FAF2: variants seen among roughly 807,000 people sequenced by gnomAD.
FAF2 encodes the protein Fas associated factor family member 2.
Under a neutral mutation model 62.3 loss-of-function variants are expected in FAF2, and 9 were observed. The observed-to-expected ratio is 0.14, with a 90% confidence interval of 0.09 to 0.25. The LOEUF (loss-of-function observed/expected upper bound fraction) is 0.25, where lower values mean the gene tolerates loss of function less well. Among genes scored for constraint, FAF2 ranks in the 10% least tolerant of loss-of-function variants. FAF2 has a pLI of 1.00. For missense variants in FAF2, 368 were observed against 556.2 expected (o/e 0.66, Z 3.40); for synonymous variants, 202 against 198.0 (o/e 1.02, Z -0.17).
chr5:176,448,508 G>GCCCC, intron 1 of FAF2, 38 bp downstream of exon 1: 1 of 1,563,238 alleles, frequency 6.4e-7, no homozygotes, highest in Non-Finnish European at 8.7e-7. Context: ...TGCCTCCGTG[G>GCCCC]GATGGGGAGT....
At chr5:176,477,073 G>A (rs1561820985) in intron 1 of FAF2, among the ~76,000 whole-genome samples, 1 of 149,900 alleles carries the variant, frequency 6.7e-6, no homozygotes, top group Non-Finnish European at 1.5e-5. Context: ...CTCCCAAAGT[G>A]CTGAGATTAC....
At chr5:176,495,554 C>T (rs180951448) in intron 7 of FAF2, among the ~76,000 whole-genome samples, 2 of 149,182 alleles carry the variant, frequency 1.3e-5, no homozygotes, top group Middle Eastern at 3.4e-3. Context: ...CTCTGTCACC[C>T]AGGTTGGAGT....
chr5:176,467,118 T>G (rs369730741), intron 1 of FAF2, among the ~76,000 whole-genome samples: 7 of 136,730 alleles, frequency 5.1e-5, no homozygotes, highest in East Asian at 2.2e-4. Context: ...CCAATGGCTG[T>G]TTTTTTTTTC....
chr5:176,486,543 CT>C (rs1400799169), intron 3 of FAF2, 54 bp downstream of exon 3: 1 of 1,572,604 alleles, frequency 6.4e-7, no homozygotes, highest in Non-Finnish European at 8.7e-7. Flanking sequence ...AGTATATCCA[CT>C]TGGTTATATT....
At chr5:176,474,659 C>T (rs1758657716) in intron 1 of FAF2, among the ~76,000 whole-genome samples, 1 of 152,182 alleles carries the variant, frequency 6.6e-6, no homozygotes. Flanking sequence ...AATACTCTTC[C>T]CAGATATTTC....
Position 176,460,510 on chromosome 5 carries a change from C to CCG in FAF2, c.63+12043_63+12044dup, listed in dbSNP as rs771294516. Among the ~76,000 whole-genome samples, 247 of 99,076 alleles carry CCG rather than the reference C, an allele frequency of 2.5e-3. 3 individuals are homozygous for CCG. Among genetic ancestry groups the CCG allele is most frequent in the Middle Eastern group, 0.024 (5 of 208 alleles). 65.0% of individuals were successfully genotyped at this position (99,076 alleles called of 152,430 possible). A position where few individuals can be genotyped will look rare whatever the true frequency, so the allele number is the denominator to read the frequency against. ...GAGCAGTGATGTTGACTATTTTTGGCCGCGTGTGTGTGTGTGTGTGTGTGT... is the reference window on the plus strand; with the variant it reads ...GAGCAGTGATGTTGACTATTTTTGGCCGCGCGTGTGTGTGTGTGTGTGTGTGT... On this transcript the variant is annotated intron_variant, in intron 1 of 10. Coordinates refer to ENST00000261942, the MANE Select transcript of FAF2 (RefSeq NM_014613.3).
At chr5:176,466,154 AGTGT>A (rs756256718) in intron 1 of FAF2, among the ~76,000 whole-genome samples, 25 of 152,310 alleles carry the variant, frequency 1.6e-4, no homozygotes, top group Non-Finnish European at 1.6e-4. Context: ...TAAAGATCTG[AGTGT>A]GTGTAAGAGT....
At chr5:176,506,265 A>G (rs1410209491) in intron 10 of FAF2, among the ~76,000 whole-genome samples, 2 of 152,036 alleles carry the variant, frequency 1.3e-5, no homozygotes, top group Non-Finnish European at 2.9e-5. Context: ...CAAAACTTGA[A>G]TAGGGCCTGA....
intron 1 of FAF2, among the ~76,000 whole-genome samples, 153 bp downstream of exon 1, chr5:176,448,623 C>T (rs1758110550): frequency 2.0e-5 from 3 of 152,046 alleles, no homozygotes; most frequent in East Asian, 1.9e-4. Context: ...CTGATTCCCC[C>T]GGCCCCCAAG....
intron 1 of FAF2, among the ~76,000 whole-genome samples, chr5:176,464,919 G>C (rs1057207912): frequency 2.0e-5 from 3 of 151,998 alleles, no homozygotes; most frequent in African/African-American, 7.2e-5. Flanking sequence ...ACAGAGTCTC[G>C]CTGTATCGCC....
In FAF2 at chr5:176,486,338, TC is replaced by T. The variant is rs556729185; in HGVS notation, c.133-15del. On this transcript the variant is annotated splice_polypyrimidine_tract_variant and intron_variant, in intron 2 of 10. Transcript: ENST00000261942. ...TGAGCATCGCTGAAACTCTTGCCACTCCGTTTTCCTTCTCAGGCTGCTGTAC... is the reference window on the plus strand; with the variant it reads ...TGAGCATCGCTGAAACTCTTGCCACTCGTTTTCCTTCTCAGGCTGCTGTAC... 17 of 1,610,116 alleles carry T rather than the reference TC, an allele frequency of 1.1e-5. No homozygotes were observed. In the East Asian group the frequency reaches 3.8e-4, roughly 36 times the overall value.
chr5:176,501,898 A>G (rs1445085262), intron 10 of FAF2, among the ~76,000 whole-genome samples: 1 of 152,034 alleles, frequency 6.6e-6, no homozygotes, highest in African/African-American at 2.4e-5. Context: ...AGATTACAGG[A>G]AGCCGCCACC....
chr5:176,477,307 T>A (rs2963686), intron 1 of FAF2, among the ~76,000 whole-genome samples: 1 of 136,666 alleles, frequency 7.3e-6, no homozygotes, highest in Non-Finnish European at 1.5e-5. Flanking sequence ...GGCTGGTCTC[T>A]AACTCCTGAC....
At chr5:176,458,060 TTTCTC>T (rs990659541) in intron 1 of FAF2, among the ~76,000 whole-genome samples, 2 of 152,280 alleles carry the variant, frequency 1.3e-5, no homozygotes, top group African/African-American at 4.8e-5. Flanking sequence ...TTCTATTCTC[TTTCTC>T]TTCTCTTTTC....
At chr5:176,461,618 C>T (rs1215866986) in intron 1 of FAF2, among the ~76,000 whole-genome samples, 2 of 151,700 alleles carry the variant, frequency 1.3e-5, no homozygotes, top group Non-Finnish European at 2.9e-5. Context: ...ATGAGCCACT[C>T]GGCCTGGCTT....
At chr5:176,470,886 CT>C (rs1758557083) in intron 1 of FAF2, among the ~76,000 whole-genome samples, 3 of 152,270 alleles carry the variant, frequency 2.0e-5, no homozygotes, top group Admixed American at 2.0e-4. Context: ...TTTTCCCATT[CT>C]TTTTACTTTT....
intron 1 of FAF2, among the ~76,000 whole-genome samples, chr5:176,460,417 T>G (rs1758357050): frequency 6.6e-6 from 1 of 152,188 alleles, no homozygotes; most frequent in Non-Finnish European, 1.5e-5. Flanking sequence ...TTTTGACTTT[T>G]TAGTAATAGC....
At chr5:176,503,178 G>A (rs1399745466) in intron 10 of FAF2, among the ~76,000 whole-genome samples, 1 of 152,220 alleles carries the variant, frequency 6.6e-6, no homozygotes, top group African/African-American at 2.4e-5. Context: ...GCAGTGCCCT[G>A]GTGGTGCTGG....
intron 10 of FAF2, among the ~76,000 whole-genome samples, chr5:176,501,961 T>C (rs1363691909): frequency 3.3e-5 from 5 of 152,148 alleles, no homozygotes; most frequent in Non-Finnish European, 7.3e-5. Flanking sequence ...TTCACCATGT[T>C]GGTCAGGCCG....
Sources: gnomAD v4.1 joint callset for allele counts (sites outside exome capture counted in the v4.1 genomes callset) on GRCh38, gnomAD v4.1.1 for gene constraint, MANE v1.5 for transcripts, NCBI Gene and HGNC (gene_info 2026-07-23, HGNC 2026-07-21) for gene names.